The following STAG2 variants were observed in gnomAD, a reference collection of about 807,000 sequenced individuals.
The protein encoded by STAG2 is STAG2 cohesin complex component.
Under a neutral mutation model 108.1 loss-of-function variants are expected in STAG2, and 14 were observed. That is an observed-to-expected ratio of 0.13 (90% CI 0.09 to 0.20). The LOEUF (loss-of-function observed/expected upper bound fraction) is 0.20, where lower values mean the gene tolerates loss of function less well. Among genes scored for constraint, STAG2 ranks in the 10% least tolerant of loss-of-function variants. The pLI is 1.00. For missense variants in STAG2, 440 were observed against 940.9 expected, an observed-to-expected ratio of 0.47 and a Z score of 6.96; for synonymous variants, 307 against 302.7, an observed-to-expected ratio of 1.01 and a Z score of -0.15.
intron 1 of STAG2, among the ~76,000 whole-genome samples, chrX:124,014,693 A>G (rs2056642997): frequency 9.0e-6 from 1 of 110,991 alleles, no homozygotes. Flanking sequence ...GTTTGTAAAT[A>G]TAGATTTCCT....
intron 1 of STAG2, among the ~76,000 whole-genome samples, chrX:123,984,508 A>G (rs1481184822): frequency 9.0e-6 from 1 of 111,123 alleles, no homozygotes; most frequent in Non-Finnish European, 1.9e-5. Flanking sequence ...TTTAAGCTCC[A>G]TGGGGGCAAA....
At chrX:124,027,636 A>G (rs1259767079) in intron 4 of STAG2, among the ~76,000 whole-genome samples, 1 of 111,764 alleles carries the variant, frequency 8.9e-6, no homozygotes, top group African/African-American at 3.3e-5. Context: ...TAGCAACTGC[A>G]TTTTGAGACT....
In STAG2 at chrX:124,065,185, A is replaced by G. The variant is rs1022311250; in HGVS notation, c.2026-691A>G. Among the ~76,000 whole-genome samples, 24 of 112,394 alleles carry G rather than the reference A, an allele frequency of 2.1e-4. 1 individual carries two copies. Among genetic ancestry groups the G allele is most frequent in the African/African-American group, 7.7e-4 (24 of 31,004 alleles). On this transcript the variant is annotated intron_variant, in intron 20 of 34. Coordinates refer to ENST00000371145, the MANE Select transcript of STAG2 (RefSeq NM_001042750.2). ...TTAATAGCTCTACTCTTGGCTGAAT[A>G]TAATTTTGATTAGGACAAATTAAAA...
intron 1 of STAG2, among the ~76,000 whole-genome samples, chrX:124,019,214 C>T (rs910350632): frequency 9.2e-6 from 1 of 109,068 alleles, no homozygotes; most frequent in African/African-American, 3.3e-5. Context: ...GCGCCTGCCA[C>T]CACGCCTGGC....
chrX:124,079,933 CT>C (rs200425943), intron 27 of STAG2, among the ~76,000 whole-genome samples: 16,774 of 98,719 alleles, frequency 0.17, 1,133 homozygotes, highest in South Asian at 0.36. Flanking sequence ...TCCTCAGCAT[CT>C]TTTTTTTTTT....
chrX:124,063,834 T>C lies in STAG2; in HGVS notation c.1822-14T>C, dbSNP rs751380231. 1 of 1,193,576 alleles carries C rather than the reference T, an allele frequency of 8.4e-7. No homozygotes were observed. The highest frequency in any genetic ancestry group is 3.0e-5 in the East Asian group (1 of 33,760). On this transcript the variant is annotated splice_polypyrimidine_tract_variant and intron_variant, in intron 19 of 34. Transcript: ENST00000371145. ...TATGCCTTAGTTTTGATGAAAAATA[T>C]TATTATTTTGCAGCATTTGGATGCC...
chrX:123,965,280 T>C (rs1037991933), intron 1 of STAG2, among the ~76,000 whole-genome samples: 1 of 112,307 alleles, frequency 8.9e-6, no homozygotes, highest in Non-Finnish European at 1.9e-5. Flanking sequence ...ATTTATTTTA[T>C]TGTGGTGAGG....
At chrX:124,038,690 C>A (rs1316679200) in intron 6 of STAG2, among the ~76,000 whole-genome samples, 1 of 111,558 alleles carries the variant, frequency 9.0e-6, no homozygotes. Context: ...GAAAGATAGA[C>A]AACTATATTA....
At chrX:124,092,186 G>T (rs995248907) in intron 32 of STAG2, among the ~76,000 whole-genome samples, 12 of 111,077 alleles carry the variant, frequency 1.1e-4, no homozygotes, top group African/African-American at 3.6e-4. Flanking sequence ...TACTATGAGT[G>T]GTGGCCTGCA....
intron 20 of STAG2, among the ~76,000 whole-genome samples, chrX:124,065,605 G>C (rs915280905): frequency 9.0e-6 from 1 of 111,352 alleles, no homozygotes; most frequent in African/African-American, 3.3e-5. Flanking sequence ...AAAAATAGAT[G>C]CCTTTATAAT....
chrX:123,989,538 T>A (rs756687729), intron 1 of STAG2, among the ~76,000 whole-genome samples: 2 of 110,886 alleles, frequency 1.8e-5, no homozygotes, highest in South Asian at 7.4e-4. Context: ...CATATATGTA[T>A]ATGTATGTGA....
intron 1 of STAG2, among the ~76,000 whole-genome samples, chrX:123,973,359 G>A (rs374617975): frequency 9.3e-6 from 1 of 107,693 alleles, no homozygotes; most frequent in Non-Finnish European, 1.9e-5. Context: ...TGGCCAACAC[G>A]GTGAGACCCC....
chrX:124,051,837 G>T (rs1334560582), intron 13 of STAG2, among the ~76,000 whole-genome samples: 1 of 111,840 alleles, frequency 8.9e-6, no homozygotes, highest in Non-Finnish European at 1.9e-5. Context: ...TGATCCGCCC[G>T]CCTTGGCCTC....
chrX:124,062,867 G>T, intron 17 of STAG2, 35 bp from the exon 18 acceptor site: 1 of 1,102,301 alleles, frequency 9.1e-7, no homozygotes, highest in Non-Finnish European at 1.3e-6. Context: ...GTGCTAATGG[G>T]CTTAATAAAT....
chrX:124,077,228 C>A, intron 26 of STAG2, among the ~76,000 whole-genome samples: 1 of 109,317 alleles, frequency 9.1e-6, no homozygotes, highest in Admixed American at 9.9e-5. Context: ...GAACTTAAAT[C>A]ATTTGGGATG....
At chrX:124,080,417 C>T (rs775201085) in intron 27 of STAG2, among the ~76,000 whole-genome samples, 11 of 111,118 alleles carry the variant, frequency 9.9e-5, no homozygotes, top group Admixed American at 1.9e-4. Flanking sequence ...CGACCGGGCG[C>T]GGTGGCTCAC....
At chrX:124,003,195 T>C (rs772954422) in intron 1 of STAG2, among the ~76,000 whole-genome samples, 2 of 110,483 alleles carry the variant, frequency 1.8e-5, no homozygotes, top group Non-Finnish European at 3.8e-5. Context: ...CTCAAACTCC[T>C]GACCTCAAGT....
At chrX:124,054,721 G>C (rs1234213504) in intron 13 of STAG2, among the ~76,000 whole-genome samples, 2 of 111,632 alleles carry the variant, frequency 1.8e-5, no homozygotes, top group African/African-American at 6.5e-5. Context: ...TAAAATGAGT[G>C]AACTTCTGTA....
chrX:124,016,098 G>A (rs2056715594), intron 1 of STAG2, among the ~76,000 whole-genome samples: 1 of 111,573 alleles, frequency 9.0e-6, no homozygotes, highest in Non-Finnish European at 1.9e-5. Context: ...ATAGATTTTA[G>A]CAGCATAGTT....
Sources: gnomAD v4.1 joint callset for allele counts (sites outside exome capture counted in the v4.1 genomes callset) on GRCh38, gnomAD v4.1.1 for gene constraint, MANE v1.5 for transcripts, NCBI Gene and HGNC (gene_info 2026-07-23, HGNC 2026-07-21) for gene names.